The following ARHGAP28 variants were observed in gnomAD, a reference collection of about 807,000 sequenced individuals.
The protein encoded by ARHGAP28 is rho GTPase-activating protein 28.
ARHGAP28 carries 56 observed loss-of-function variants against 90.7 expected under a neutral mutation model. The ratio of observed to expected loss-of-function variants is 0.62; its 90% confidence interval spans 0.50 to 0.77. The LOEUF (loss-of-function observed/expected upper bound fraction) is 0.77, where lower values mean the gene tolerates loss of function less well. ARHGAP28 is among the 30% of genes least tolerant of loss of function. The probability of loss-of-function intolerance (pLI) is 0.00; values close to 1 mark genes in which losing one functional copy is unlikely to be tolerated. For missense variants in ARHGAP28, 869 were observed against 900.9 expected (o/e 0.96, Z 0.45); for synonymous variants, 308 against 323.3 (o/e 0.95, Z 0.51).
At chr18:6,731,048 G>T (rs2055877155) in intron 1 of ARHGAP28, among the ~76,000 whole-genome samples, 1 of 152,160 alleles carries the variant, frequency 6.6e-6, no homozygotes, top group East Asian at 1.9e-4. Flanking sequence ...TCTATGTTGG[G>T]CTTGGCTAAC....
Position 6,837,375 on chromosome 18 carries a change from C to G in ARHGAP28, c.504C>G (p.Ile168Met), listed in dbSNP as rs376868486. Residue 168 changes from isoleucine (I) to methionine (M), a missense_variant, in exon 3 of 18, where the codon ATC becomes ATG. Ile to Met is a conservative substitution (Grantham distance 10). Coordinates refer to ENST00000383472, the MANE Select transcript of ARHGAP28 (RefSeq NM_001366230.1). Reference sequence around the variant, plus strand: ...TGAGGAAAAAGGATAAGCAATCTATCAGGGATGTCAGAGACATTTTTGGAG... The same window carrying G: ...TGAGGAAAAAGGATAAGCAATCTATGAGGGATGTCAGAGACATTTTTGGAG... Reference protein sequence around the residue: ...QTMRKKDKQSIRDVRDIFGVS... With the variant: ...QTMRKKDKQSMRDVRDIFGVS... The G allele has an allele frequency of 1.3e-5, 21 of 1,612,832 alleles. No homozygotes were observed. The African/African-American group carries it at 2.6e-4, about 20-fold the overall frequency.
intron 1 of ARHGAP28, among the ~76,000 whole-genome samples, chr18:6,779,913 CCTG>C (rs2056311622): frequency 1.3e-5 from 2 of 152,170 alleles, no homozygotes; most frequent in Non-Finnish European, 2.9e-5. Context: ...TAACTTTGAA[CCTG>C]AGAGTCCCTA....
chr18:6,842,960 T>C (rs988776855), intron 3 of ARHGAP28, among the ~76,000 whole-genome samples: 1 of 152,160 alleles, frequency 6.6e-6, no homozygotes, highest in Non-Finnish European at 1.5e-5. Context: ...AAAAATTCCA[T>C]GTTGATAATA....
intron 1 of ARHGAP28, among the ~76,000 whole-genome samples, chr18:6,760,698 ATT>A (rs2056152321): frequency 6.6e-6 from 1 of 152,210 alleles, no homozygotes; most frequent in South Asian, 2.1e-4. Context: ...GCTTATCTCA[ATT>A]TAGCTATTGC....
intron 14 of ARHGAP28, among the ~76,000 whole-genome samples, chr18:6,893,295 A>G (rs550453631): frequency 3.9e-5 from 6 of 152,290 alleles, no homozygotes; most frequent in Admixed American, 3.9e-4. Context: ...GCCAGTACCC[A>G]TGCCAGAAAT....
In ARHGAP28 at chr18:6,750,165, A is replaced by G. The variant is rs147321873; in HGVS notation, c.122+20222A>G. Among the ~76,000 whole-genome samples, 224 of 152,242 alleles carry G rather than the reference A, an allele frequency of 1.5e-3. 1 individual carries two copies. The highest frequency in any genetic ancestry group is 5.0e-3 in the African/African-American group (207 of 41,544). The stretch of plus-strand genomic sequence containing the variant: ...TTCCTATAAAGCAAGCACTATTCCA[A>G]ATGCTTTACATGTATTAAAGCCCCT... On this transcript the variant is annotated intron_variant, in intron 1 of 17. Coordinates refer to ENST00000383472, the MANE Select transcript of ARHGAP28 (RefSeq NM_001366230.1).
chr18:6,794,627 C>A (rs2037990051), intron 1 of ARHGAP28, among the ~76,000 whole-genome samples: 2 of 152,190 alleles, frequency 1.3e-5, no homozygotes, highest in East Asian at 3.9e-4. Flanking sequence ...TCTGATCTTG[C>A]CTTTTGTTTG....
chr18:6,768,866 C>T (rs909852252), intron 1 of ARHGAP28, among the ~76,000 whole-genome samples: 2 of 152,124 alleles, frequency 1.3e-5, no homozygotes, highest in Non-Finnish European at 2.9e-5. Flanking sequence ...GCCTGTAGGA[C>T]TCACTCAGCA....
At chr18:6,773,448 T>A (rs1390534162) in intron 1 of ARHGAP28, among the ~76,000 whole-genome samples, 1 of 152,228 alleles carries the variant, frequency 6.6e-6, no homozygotes, top group South Asian at 2.1e-4. Flanking sequence ...GTATAGGGTC[T>A]TTTACAGTCA....
At position 6,824,896 on chromosome 18, in the gene ARHGAP28, A is replaced by G. The variant is rs1021644895; in HGVS notation, c.257A>G (p.Glu86Gly). The change falls in exon 2 of 18, where the codon GAA becomes GGA. Residue 86 changes from glutamate (E) to glycine (G), a missense_variant. Transcript: ENST00000383472. ...ASMEDFWREI[E>G]SIKDSSMGGQ... ...ATGGAGGATTTCTGGCGGGAAATAGAAAGTATTAAAGACAGCAGCATGGGA... is the reference window on the plus strand; with the variant it reads ...ATGGAGGATTTCTGGCGGGAAATAGGAAGTATTAAAGACAGCAGCATGGGA... 4.6e-6 allele frequency: 7 copies of G among 1,535,958 alleles called. No individual in the cohort carries two copies. The African/African-American group carries it at 9.6e-5, about 21-fold the overall frequency.
intron 3 of ARHGAP28, among the ~76,000 whole-genome samples, chr18:6,840,442 G>A (rs997501341): frequency 6.6e-6 from 1 of 152,190 alleles, no homozygotes; most frequent in Non-Finnish European, 1.5e-5. Flanking sequence ...TGTAAAAACA[G>A]CAAGGTAAAG....
rs1285540909 is a variant in ARHGAP28, at chr18:6,880,026, T to TA, written c.1291-2110dup. ...ATTCAGATAGATTCCTTTGCAGAGG[T>TA]ATGTGGAAAATGAATTTGAATTCTT... On this transcript the variant is annotated intron_variant, in intron 10 of 17. Coordinates refer to ENST00000383472, the MANE Select transcript of ARHGAP28 (RefSeq NM_001366230.1). Among the ~76,000 whole-genome samples, 11 of 152,252 alleles carry TA rather than the reference T, an allele frequency of 7.2e-5. 1 individual carries two copies. The highest frequency in any genetic ancestry group is 2.0e-4 in the Admixed American group (3 of 15,298).
At chr18:6,754,200 T>C (rs994381372) in intron 1 of ARHGAP28, among the ~76,000 whole-genome samples, 4 of 152,194 alleles carry the variant, frequency 2.6e-5, no homozygotes, top group Non-Finnish European at 5.9e-5. Context: ...TTTACTTCTT[T>C]CTATTAAATG....
intron 3 of ARHGAP28, among the ~76,000 whole-genome samples, chr18:6,839,385 C>T (rs1227828609): frequency 6.6e-6 from 1 of 151,370 alleles, no homozygotes. Context: ...GCTCCGCCTC[C>T]CGGGTTCACG....
At chr18:6,858,344 G>A (rs2056970490) in intron 4 of ARHGAP28, among the ~76,000 whole-genome samples, 1 of 151,812 alleles carries the variant, frequency 6.6e-6, no homozygotes, top group African/African-American at 2.4e-5. Context: ...GTTACATTTA[G>A]GAAGAGATTT....
At chr18:6,841,175 TCTCTCCTCTCTCTCTCTCTCTCTCTCTC>T (rs1258414145) in intron 3 of ARHGAP28, among the ~76,000 whole-genome samples, 152 of 83,412 alleles carry the variant, frequency 1.8e-3, no homozygotes, top group Admixed American at 2.6e-3. Context: ...CTCCTCTCTC[TCTCTCCTCTCTCTCTCTCTCTCTCTCTC>T]CTCTCCTCTC....
intron 1 of ARHGAP28, among the ~76,000 whole-genome samples, chr18:6,781,196 CA>C (rs773077145): frequency 6.6e-5 from 10 of 152,178 alleles, no homozygotes; most frequent in Non-Finnish European, 1.2e-4. Context: ...TCGGGACAGT[CA>C]GGGGGACCTG....
At chr18:6,848,313 G>A (rs547633670) in intron 3 of ARHGAP28, among the ~76,000 whole-genome samples, 1 of 152,202 alleles carries the variant, frequency 6.6e-6, no homozygotes, top group South Asian at 2.1e-4. Context: ...TGTATGGGGA[G>A]TAAAACTTCC....
intron 1 of ARHGAP28, among the ~76,000 whole-genome samples, chr18:6,796,821 T>TAC (rs142406008): frequency 0.19 from 29,442 of 152,012 alleles, 3,113 homozygotes; most frequent in African/African-American, 0.28. Flanking sequence ...TTTTTGTGTG[T>TAC]ACACACATAC....
Sources: gnomAD v4.1 joint callset for allele counts (sites outside exome capture counted in the v4.1 genomes callset) on GRCh38, gnomAD v4.1.1 for gene constraint, MANE v1.5 for transcripts, NCBI Gene and HGNC (gene_info 2026-07-23, HGNC 2026-07-21) for gene names.